CSMD2: variants seen among roughly 807,000 people sequenced by gnomAD.
The protein encoded by CSMD2 is CUB and Sushi multiple domains 2.
Under a neutral mutation model 398.5 loss-of-function variants are expected in CSMD2, and 130 were observed. That is an observed-to-expected ratio of 0.33 (90% CI 0.28 to 0.38). CSMD2 has a LOEUF of 0.38. Among genes scored for constraint, CSMD2 ranks in the 10% least tolerant of loss-of-function variants. The pLI is 1.00. For synonymous variants in CSMD2, 1,828 were observed against 1,908.5 expected, an observed-to-expected ratio of 0.96 and a Z score of 1.10; for missense variants, 3,829 against 4,764.9, an observed-to-expected ratio of 0.80 and a Z score of 5.78.
chr1:33,724,343 G>T, intron 18 of CSMD2, 30 bp from the exon 19 acceptor site: 1 of 1,567,218 alleles, frequency 6.4e-7, no homozygotes, highest in South Asian at 1.1e-5. Context: ...GGCAGTGAAA[G>T]ACCAGAGGGC....
In CSMD2 at chr1:33,826,312, C is replaced by G. The variant is rs183492053; in HGVS notation, c.1034-538G>C. Among the ~76,000 whole-genome samples the G allele has an allele frequency of 5.6e-3, 849 of 152,250 alleles. 17 individuals carry two copies. The highest frequency in any genetic ancestry group is 0.047 in the Admixed American group (718 of 15,294). ...TACAGAGGTGGAGTACATTCCCCCACTCCTTGACTTTGGGTTTGGCCTTGT... is the reference window on the plus strand; with the variant it reads ...TACAGAGGTGGAGTACATTCCCCCAGTCCTTGACTTTGGGTTTGGCCTTGT... On this transcript the variant is annotated intron_variant, in intron 6 of 70. Transcript: ENST00000373381.
At position 34,032,575 on chromosome 1, in the gene CSMD2, C is replaced by T. The variant is rs372115212; in HGVS notation, c.517+19G>A. The T allele has an allele frequency of 2.5e-5, 37 of 1,503,038 alleles. No homozygotes were observed. The highest frequency in any genetic ancestry group is 1.3e-4 in the African/African-American group (9 of 71,860). 93.1% of individuals were successfully genotyped at this position (1,503,038 alleles called of 1,614,324 possible). A position where few individuals can be genotyped will look rare whatever the true frequency, so the allele number is the denominator to read the frequency against. ...ACATCACATCTCCGGCTCCTGTGGC[C>T]GATGAGGGAGGCACTTACCTTCATA... is the stretch of plus-strand genomic sequence containing the variant. On this transcript the variant is annotated intron_variant, in intron 3 of 70. Coordinates refer to ENST00000373381, the MANE Select transcript of CSMD2 (RefSeq NM_001281956.2).
rs573626179 is a variant in CSMD2 at position 33,908,719 on chromosome 1, A to C, written c.920+9375T>G. On this transcript the variant is annotated intron_variant, in intron 5 of 70. Coordinates refer to ENST00000373381, the MANE Select transcript of CSMD2 (RefSeq NM_001281956.2). ...TAGTGGAAGCAAGGAAGTCACATTG[A>C]TACTCCATGTAGAGTGCTGGAGCCC... Among the ~76,000 whole-genome samples the C allele has an allele frequency of 4.6e-5, 7 of 152,332 alleles. No homozygotes were observed. In the South Asian group the frequency reaches 1.5e-3, roughly 32 times the overall value.
intron 1 of CSMD2, among the ~76,000 whole-genome samples, chr1:34,105,184 G>T (rs1394042465): frequency 6.6e-6 from 1 of 152,170 alleles, no homozygotes; most frequent in African/African-American, 2.4e-5. Context: ...TGAATGTGCA[G>T]TAGTCTAATC....
intron 20 of CSMD2, among the ~76,000 whole-genome samples, chr1:33,714,985 C>A (rs960101558): frequency 1.3e-5 from 2 of 152,108 alleles, no homozygotes; most frequent in African/African-American, 4.8e-5. Context: ...CAGAGAGAAA[C>A]ATGGGGAAGC....
intron 1 of CSMD2, among the ~76,000 whole-genome samples, chr1:34,162,463 T>C (rs896341725): frequency 6.6e-6 from 1 of 152,198 alleles, no homozygotes; most frequent in African/African-American, 2.4e-5. Flanking sequence ...TTTCCCCTTC[T>C]AATGTACCAA....
intron 3 of CSMD2, among the ~76,000 whole-genome samples, chr1:34,000,589 C>T (rs529920934): frequency 1.3e-5 from 2 of 151,718 alleles, no homozygotes; most frequent in African/African-American, 4.8e-5. Flanking sequence ...TTTGGTCCAA[C>T]TCAAAAAAAG....
chr1:34,153,572 T>A (rs11590339), intron 1 of CSMD2, among the ~76,000 whole-genome samples: 92,490 of 152,156 alleles, frequency 0.61, 30,419 homozygotes, highest in Non-Finnish European at 0.74. Flanking sequence ...TCCCCAGTGC[T>A]GCTGAGAGCT....
At chr1:33,556,281 T>A (rs1369103885) in intron 55 of CSMD2, among the ~76,000 whole-genome samples, 2 of 152,154 alleles carry the variant, frequency 1.3e-5, no homozygotes, top group Non-Finnish European at 2.9e-5. Context: ...CCAAACTATT[T>A]GCTGGTCATA....
intron 3 of CSMD2, among the ~76,000 whole-genome samples, chr1:33,952,169 G>C (rs962440508): frequency 6.6e-6 from 1 of 152,228 alleles, no homozygotes; most frequent in Non-Finnish European, 1.5e-5. Flanking sequence ...CAAGTATCTT[G>C]AGAATGAAAA....
chr1:33,780,692 C>T (rs1256790955), intron 12 of CSMD2, among the ~76,000 whole-genome samples: 1 of 152,246 alleles, frequency 6.6e-6, no homozygotes, highest in Non-Finnish European at 1.5e-5. Flanking sequence ...GCCAGCCCAG[C>T]CTCCAGGGGC....
At chr1:33,666,400 A>G (rs1331372176) in intron 25 of CSMD2, among the ~76,000 whole-genome samples, 8 of 151,964 alleles carry the variant, frequency 5.3e-5, no homozygotes, top group Admixed American at 2.6e-4. Flanking sequence ...TATGTTTTTC[A>G]TCTTTGTTAT....
chr1:33,704,907 C>A (rs991602426), intron 22 of CSMD2, among the ~76,000 whole-genome samples: 2 of 151,924 alleles, frequency 1.3e-5, no homozygotes, highest in East Asian at 3.9e-4. Flanking sequence ...GGACTACAGG[C>A]ACCCGCCATC....
intron 12 of CSMD2, among the ~76,000 whole-genome samples, chr1:33,784,715 T>A (rs1653301838): frequency 6.6e-6 from 1 of 152,172 alleles, no homozygotes; most frequent in Non-Finnish European, 1.5e-5. Flanking sequence ...TCCAGGTGCC[T>A]GGCCTGGAGG....
At chr1:33,752,972 T>C (rs151018771) in intron 13 of CSMD2, among the ~76,000 whole-genome samples, 1 of 152,294 alleles carries the variant, frequency 6.6e-6, no homozygotes, top group African/African-American at 2.4e-5. Context: ...CAGCAAAGCA[T>C]TCAAGAATTA....
At chr1:33,902,812 G>A (rs1642843651) in intron 5 of CSMD2, among the ~76,000 whole-genome samples, 2 of 152,182 alleles carry the variant, frequency 1.3e-5, no homozygotes, top group South Asian at 4.1e-4. Flanking sequence ...ACTCCTGAGA[G>A]TGGGAAGCCT....
At chr1:33,905,137 A>G (rs1570457132) in intron 5 of CSMD2, among the ~76,000 whole-genome samples, 1 of 152,138 alleles carries the variant, frequency 6.6e-6, no homozygotes, top group African/African-American at 2.4e-5. Context: ...GTTAATATGC[A>G]TGAAGCCCAG....
chr1:33,707,849 C>T (rs1457887611), intron 22 of CSMD2, among the ~76,000 whole-genome samples: 2 of 152,054 alleles, frequency 1.3e-5, no homozygotes, highest in African/African-American at 4.8e-5. Context: ...AATCTGAAAG[C>T]ATGGAAATTT....
At chr1:33,644,186 T>G (rs1222400716) in intron 29 of CSMD2, among the ~76,000 whole-genome samples, 1 of 152,126 alleles carries the variant, frequency 6.6e-6, no homozygotes, top group African/African-American at 2.4e-5. Flanking sequence ...GATACCCACC[T>G]TGGGTCAACA....
Sources: allele counts gnomAD v4.1 joint callset (sites outside exome capture counted in the v4.1 genomes callset), GRCh38; gene constraint gnomAD v4.1.1; transcripts MANE v1.5; gene names NCBI Gene and HGNC (gene_info 2026-07-23, HGNC 2026-07-21).